PVT1: variants seen among roughly 807,000 people sequenced by gnomAD.
PVT1 encodes the protein Pvt1 oncogene, also known as CXCR4/PVT1 fusion.
intron 2 of PVT1, among the ~76,000 whole-genome samples, chr8:127,814,420 G>A (rs1195795277): frequency 6.6e-6 from 1 of 152,184 alleles, no homozygotes; most frequent in African/African-American, 2.4e-5. Context: ...AGCTCAGGAG[G>A]GGCTGAGTTG....
intron 3 of PVT1, among the ~76,000 whole-genome samples, chr8:127,954,571 G>C (rs1223767565): frequency 6.6e-6 from 1 of 152,190 alleles, no homozygotes; most frequent in Non-Finnish European, 1.5e-5. Flanking sequence ...GGGATTACAG[G>C]CATGAGCCAC....
intron 4 of PVT1, among the ~76,000 whole-genome samples, chr8:128,025,553 T>C (rs1347611477): frequency 6.6e-6 from 1 of 152,124 alleles, no homozygotes; most frequent in East Asian, 1.9e-4. Context: ...CCCAGACCAT[T>C]TGGGCCACAT....
intron 4 of PVT1, among the ~76,000 whole-genome samples, chr8:128,050,685 C>T (rs1813681456): frequency 6.6e-6 from 1 of 152,206 alleles, no homozygotes; most frequent in Non-Finnish European, 1.5e-5. Context: ...CTCCAAGCCT[C>T]TGTATCCTTG....
chr8:128,053,344 A>G (rs907432278), intron 4 of PVT1, among the ~76,000 whole-genome samples: 17 of 151,584 alleles, frequency 1.1e-4, no homozygotes, highest in African/African-American at 3.4e-4. Context: ...GTCATCTGCC[A>G]TCTTGGAGGG....
intron 4 of PVT1, among the ~76,000 whole-genome samples, chr8:127,991,150 T>C (rs1049924207): frequency 6.9e-6 from 1 of 145,514 alleles, no homozygotes; most frequent in African/African-American, 2.5e-5. Flanking sequence ...CTTTTTTTTT[T>C]TTTTTTTTTT....
At chr8:128,017,572 T>C (rs1302216886) in intron 4 of PVT1, among the ~76,000 whole-genome samples, 3 of 151,554 alleles carry the variant, frequency 2.0e-5, no homozygotes, top group Non-Finnish European at 4.4e-5. Context: ...GCTGGGACTA[T>C]AAGTGCATGC....
At chr8:127,942,269 G>A (rs1032008362) in intron 3 of PVT1, among the ~76,000 whole-genome samples, 1 of 152,198 alleles carries the variant, frequency 6.6e-6, no homozygotes, top group Non-Finnish European at 1.5e-5. Context: ...AATGTGGAAG[G>A]GATCATGGAG....
chr8:128,062,547 C>G (rs1813843923), intron 4 of PVT1, among the ~76,000 whole-genome samples: 1 of 152,110 alleles, frequency 6.6e-6, no homozygotes, highest in African/African-American at 2.4e-5. Context: ...AACACATTAT[C>G]CATGTTCTTA....
At chr8:128,089,914 T>C (rs1463121666) in intron 5 of PVT1, among the ~76,000 whole-genome samples, 1 of 152,228 alleles carries the variant, frequency 6.6e-6, no homozygotes. Context: ...TCAGGAATGC[T>C]TGGAACGTTT....
intron 2 of PVT1, among the ~76,000 whole-genome samples, chr8:127,888,218 G>A (rs1353522314): frequency 6.6e-6 from 1 of 152,186 alleles, no homozygotes. Flanking sequence ...GGGATTACAG[G>A]CGTGAGCCAC....
intron 3 of PVT1, among the ~76,000 whole-genome samples, chr8:127,984,889 CTT>C (rs1491433470): frequency 4.1e-4 from 42 of 102,136 alleles, no homozygotes; most frequent in South Asian, 1.2e-3. Flanking sequence ...TTCTTTCTTT[CTT>C]TCTTTCTTTC....
At chr8:128,056,742 C>T (rs1474421355) in intron 4 of PVT1, among the ~76,000 whole-genome samples, 1 of 152,232 alleles carries the variant, frequency 6.6e-6, no homozygotes. Flanking sequence ...CCCAGGCCTG[C>T]TGACTCCAAG....
intron 4 of PVT1, among the ~76,000 whole-genome samples, chr8:128,013,481 T>G (rs1444959260): frequency 2.0e-5 from 3 of 152,270 alleles, no homozygotes; most frequent in Non-Finnish European, 4.4e-5. Context: ...TGTGTTTTTG[T>G]GTCCCTAACC....
chr8:127,990,931 G>T (rs1236149952), intron 4 of PVT1, among the ~76,000 whole-genome samples: 1 of 152,142 alleles, frequency 6.6e-6, no homozygotes, highest in African/African-American at 2.4e-5. Flanking sequence ...CTTGAAAGAT[G>T]CTTGTGAATA....
intron 3 of PVT1, among the ~76,000 whole-genome samples, chr8:127,895,320 A>C (rs1370908580): frequency 1.3e-5 from 2 of 152,082 alleles, no homozygotes; most frequent in African/African-American, 4.8e-5. Flanking sequence ...AAAATAGAAA[A>C]ATTAGCTGGG....
At chr8:127,998,495 A>G (rs984036188) in intron 4 of PVT1, 2 of 151,630 alleles carry the variant, frequency 1.3e-5, no homozygotes. Context: ...ATACTTTCTT[A>G]TTATGGGTCT....
At chr8:127,802,186 A>G (rs1227065451) in intron 2 of PVT1, among the ~76,000 whole-genome samples, 1 of 152,010 alleles carries the variant, frequency 6.6e-6, no homozygotes, top group Non-Finnish European at 1.5e-5. Flanking sequence ...AAGTGCTGGA[A>G]TTACAGGTGT....
At chr8:127,985,464 A>G (rs1356402806) in intron 3 of PVT1, among the ~76,000 whole-genome samples, 1 of 148,998 alleles carries the variant, frequency 6.7e-6, no homozygotes, top group Non-Finnish European at 1.5e-5. Flanking sequence ...TCCTCGATTT[A>G]CAGATGAAGA....
chr8:127,823,409 G>T (rs1268179230), intron 2 of PVT1, among the ~76,000 whole-genome samples: 1 of 152,204 alleles, frequency 6.6e-6, no homozygotes, highest in East Asian at 1.9e-4. Flanking sequence ...AAAGAATTAG[G>T]TTTTTAATTG....
Sources: allele counts gnomAD v4.1 joint callset (sites outside exome capture counted in the v4.1 genomes callset), GRCh38; gene constraint gnomAD v4.1.1; transcripts MANE v1.5; gene names NCBI Gene and HGNC (gene_info 2026-07-23, HGNC 2026-07-21).